The following MGST2 variants were observed in gnomAD, a reference collection of about 807,000 sequenced individuals.
MGST2 encodes the protein microsomal glutathione S-transferase 2.
MGST2 carries 9 observed loss-of-function variants against 16.6 expected under a neutral mutation model. The ratio of observed to expected loss-of-function variants is 0.54; its 90% CI spans 0.33 to 0.95. The LOEUF (loss-of-function observed/expected upper bound fraction) is 0.95. MGST2 is among the 40% of genes least tolerant of loss of function. The pLI, the probability that MGST2 is intolerant of heterozygous loss-of-function variation, is 0.03. For synonymous variants in MGST2, 79 were observed against 68.0 expected, an observed-to-expected ratio of 1.16 and a Z score of -0.79; for missense variants, 159 against 175.1, an observed-to-expected ratio of 0.91 and a Z score of 0.52.
chr4:139,681,938 C>T (rs187230445), intron 2 of MGST2, among the ~76,000 whole-genome samples: 13 of 152,182 alleles, frequency 8.5e-5, no homozygotes, highest in Non-Finnish European at 1.5e-5. Context: ...CACCTGTAAT[C>T]CCAGGGACTC....
intron 2 of MGST2, chr4:139,685,144 G>C (rs932293216): frequency 1.3e-5 from 2 of 152,366 alleles, no homozygotes; most frequent in East Asian, 3.8e-4. Context: ...GTTCCTCCAT[G>C]TGCTGTCTTT....
chr4:139,702,989 G>A (rs1410013843), intron 3 of MGST2, among the ~76,000 whole-genome samples: 1 of 151,398 alleles, frequency 6.6e-6, no homozygotes, highest in African/African-American at 2.4e-5. Flanking sequence ...TCAGTGGCAT[G>A]ATCTTGGCTC....
chr4:139,701,605 C>G (rs193296144), intron 3 of MGST2, among the ~76,000 whole-genome samples: 1 of 152,200 alleles, frequency 6.6e-6, no homozygotes, highest in East Asian at 1.9e-4. Context: ...TGTATACTCT[C>G]TGAAGTCAGG....
chr4:139,679,388 A>C (rs946322676), intron 2 of MGST2, among the ~76,000 whole-genome samples: 8 of 152,160 alleles, frequency 5.3e-5, no homozygotes, highest in Non-Finnish European at 8.8e-5. Flanking sequence ...TTCTTGTCTC[A>C]TTTTGATACA....
chr4:139,691,694 G>GATTATTATTATTATTATT (rs1491509102), intron 2 of MGST2, among the ~76,000 whole-genome samples: 3 of 130,712 alleles, frequency 2.3e-5, no homozygotes, highest in African/African-American at 1.1e-4. Context: ...TGATGATGAT[G>GATTATTATTATTATTATT]ATGATTATTA....
intron 5 of MGST2, among the ~76,000 whole-genome samples, chr4:139,714,069 G>T (rs985232907): frequency 1.3e-5 from 2 of 152,164 alleles, no homozygotes; most frequent in Non-Finnish European, 2.9e-5. Flanking sequence ...AAAAGGTCAA[G>T]CTCCCAAGGA....
intron 2 of MGST2, among the ~76,000 whole-genome samples, chr4:139,684,702 G>A (rs574924946): frequency 6.6e-6 from 1 of 152,312 alleles, no homozygotes; most frequent in East Asian, 1.9e-4. Flanking sequence ...GAAGGAAAGA[G>A]GGGTGGAGAT....
At chr4:139,668,316 CA>C (rs1350325803) in intron 1 of MGST2, among the ~76,000 whole-genome samples, 4 of 152,244 alleles carry the variant, frequency 2.6e-5, no homozygotes, top group Non-Finnish European at 4.4e-5. Context: ...GAAAAGGTGC[CA>C]GACTCTGTTA....
intron 2 of MGST2, chr4:139,678,907 C>T (rs1731098769): frequency 1.9e-6 from 1 of 537,078 alleles, no homozygotes; most frequent in South Asian, 2.1e-5. Flanking sequence ...GCTGTGTCTC[C>T]CAAGGAGGGT....
chr4:139,722,363 C>T (rs573985558), intron 5 of MGST2, among the ~76,000 whole-genome samples: 82 of 152,108 alleles, frequency 5.4e-4, no homozygotes, highest in South Asian at 2.5e-3. Flanking sequence ...TTATGCCTTC[C>T]GTGATTTTAA....
At chr4:139,707,451 T>C (rs1406229049), downstream of MGST2, among the ~76,000 whole-genome samples, 1 of 152,196 alleles carries the variant, frequency 6.6e-6, no homozygotes, top group African/African-American at 2.4e-5. Context: ...CAGTCTATCA[T>C]TGTTGGACAT....
intron 2 of MGST2, among the ~76,000 whole-genome samples, chr4:139,679,758 G>C (rs1731141454): frequency 6.6e-6 from 1 of 152,082 alleles, no homozygotes; most frequent in Non-Finnish European, 1.5e-5. Context: ...AATTGTAAGA[G>C]GTGTGTAGAC....
chr4:139,708,740 C>A (rs757401185), downstream of MGST2, among the ~76,000 whole-genome samples: 1 of 152,072 alleles, frequency 6.6e-6, no homozygotes, highest in South Asian at 2.1e-4. Flanking sequence ...CGGTGGCTCA[C>A]GCCTGTAATC....
chr4:139,700,305 G>T (rs985644230), intron 3 of MGST2, among the ~76,000 whole-genome samples: 3 of 151,458 alleles, frequency 2.0e-5, no homozygotes, highest in African/African-American at 4.9e-5. Context: ...CTAATTTTTC[G>T]TATTTTTAGT....
intron 2 of MGST2, among the ~76,000 whole-genome samples, chr4:139,692,164 A>T (rs1244978771): frequency 3.3e-5 from 5 of 152,188 alleles, no homozygotes; most frequent in African/African-American, 1.2e-4. Context: ...AGCCACTTGT[A>T]GGGGACAAAG....
intron 1 of MGST2, among the ~76,000 whole-genome samples, chr4:139,668,593 CACAGAG>C (rs1190638620): frequency 1.3e-4 from 15 of 119,436 alleles, no homozygotes; most frequent in East Asian, 8.1e-4. Flanking sequence ...TCAAGAAAGA[CACAGAG>C]AGAGAGAGAG....
At chr4:139,738,212 G>C (rs546015807) in intron 5 of MGST2, among the ~76,000 whole-genome samples, 1 of 152,324 alleles carries the variant, frequency 6.6e-6, no homozygotes, top group African/African-American at 2.4e-5. Flanking sequence ...TGTGTTTCTG[G>C]TGCTAGCTTT....
At chr4:139,703,917 T>G in intron 4 of MGST2, 99 bp from the exon 5 acceptor site, 9 of 1,489,612 alleles carry the variant, frequency 6.0e-6, no homozygotes, top group African/African-American at 1.4e-5. Flanking sequence ...AATATAGAAG[T>G]TCTGGACAGT....
At chr4:139,677,024 G>T (rs542913992) in intron 1 of MGST2, among the ~76,000 whole-genome samples, 3 of 152,084 alleles carry the variant, frequency 2.0e-5, no homozygotes, top group African/African-American at 7.2e-5. Context: ...GTGAGATTTC[G>T]TCTGTATAAC....
Sources: allele counts gnomAD v4.1 joint callset (sites outside exome capture counted in the v4.1 genomes callset), GRCh38; gene constraint gnomAD v4.1.1; transcripts MANE v1.5; gene names NCBI Gene and HGNC (gene_info 2026-07-23, HGNC 2026-07-21).